MYOCD: variants seen among roughly 807,000 people sequenced by gnomAD.
MYOCD encodes the protein myocardin.
MYOCD carries 32 observed loss-of-function variants against 96.1 expected under a neutral mutation model. The observed-to-expected ratio is 0.33, with a 90% CI of 0.25 to 0.45. The LOEUF (loss-of-function observed/expected upper bound fraction) is 0.45, where lower values mean the gene tolerates loss of function less well. Ranked by LOEUF, MYOCD falls within the 20% of genes least tolerant of loss-of-function variation. The pLI, the probability that MYOCD is intolerant of heterozygous loss-of-function variation, is 1.00. For synonymous variants in MYOCD, 469 were observed against 469.0 expected (o/e 1.00, Z 0.00); for missense variants, 1,133 against 1,200.6 (o/e 0.94, Z 0.83).
chr17:12,745,430 A>G (rs1345534256), intron 8 of MYOCD, among the ~76,000 whole-genome samples: 1 of 151,994 alleles, frequency 6.6e-6, no homozygotes, highest in Non-Finnish European at 1.5e-5. Flanking sequence ...GCTGGTCTCA[A>G]ACTCCCAACC....
intron 1 of MYOCD, among the ~76,000 whole-genome samples, chr17:12,676,096 G>A (rs919913258): frequency 1.1e-4 from 16 of 151,996 alleles, no homozygotes; most frequent in Admixed American, 7.9e-4. Flanking sequence ...AAAAAAAAAC[G>A]TATCTGTAAG....
At chr17:12,703,694 C>T (rs888904138) in intron 1 of MYOCD, among the ~76,000 whole-genome samples, 6 of 152,048 alleles carry the variant, frequency 3.9e-5, no homozygotes, top group Non-Finnish European at 5.9e-5. Flanking sequence ...CACACGAATC[C>T]CTGAGGCTAA....
intron 9 of MYOCD, 106 bp from the exon 10 acceptor site, chr17:12,752,308 T>A: frequency 1.1e-6 from 1 of 910,090 alleles, no homozygotes; most frequent in South Asian, 1.7e-5. Context: ...AAGAGGTGGG[T>A]ATTGTAGAAT....
intron 5 of MYOCD, among the ~76,000 whole-genome samples, chr17:12,734,072 T>G (rs1164644240): frequency 6.6e-6 from 1 of 151,040 alleles, no homozygotes. Context: ...GAAACCACCC[T>G]CTCTCCCCTT....
intron 1 of MYOCD, among the ~76,000 whole-genome samples, chr17:12,698,928 A>G (rs1462876601): frequency 2.7e-5 from 4 of 150,688 alleles, no homozygotes; most frequent in Non-Finnish European, 4.4e-5. Context: ...ATTTTTAGTA[A>G]AGACGGGGTT....
chr17:12,707,411 G>C (rs1434852110), intron 2 of MYOCD, among the ~76,000 whole-genome samples: 2 of 152,010 alleles, frequency 1.3e-5, no homozygotes, highest in Admixed American at 6.6e-5. Context: ...CTGATAAAAA[G>C]CACACAGAAG....
intron 2 of MYOCD, among the ~76,000 whole-genome samples, chr17:12,713,815 A>C (rs1244024485): frequency 6.6e-6 from 1 of 152,182 alleles, no homozygotes; most frequent in Non-Finnish European, 1.5e-5. Flanking sequence ...CTCAAAGAAA[A>C]TGCATGCGCA....
intron 4 of MYOCD, among the ~76,000 whole-genome samples, chr17:12,721,374 G>A (rs1327564114): frequency 6.6e-6 from 1 of 152,108 alleles, no homozygotes; most frequent in Admixed American, 6.6e-5. Context: ...AGTTTCAGAG[G>A]CAACAAGATG....
At chr17:12,690,457 A>C (rs1479616164) in intron 1 of MYOCD, among the ~76,000 whole-genome samples, 2 of 152,168 alleles carry the variant, frequency 1.3e-5, no homozygotes, top group Admixed American at 6.5e-5. Context: ...TTACAGGAAA[A>C]AGGGATTAAA....
At chr17:12,713,219 C>T (rs1210845725) in intron 2 of MYOCD, among the ~76,000 whole-genome samples, 2 of 152,188 alleles carry the variant, frequency 1.3e-5, no homozygotes, top group Non-Finnish European at 2.9e-5. Context: ...GTGCTCCTGG[C>T]ATCAGAGAAC....
In MYOCD at chr17:12,698,891, C is replaced by T. The variant is rs556301714; in HGVS notation, c.56-6237C>T. Among the ~76,000 whole-genome samples the T allele has an allele frequency of 1.6e-3, 241 of 151,180 alleles. 1 individual carries two copies. Among genetic ancestry groups the T allele is most frequent in the African/African-American group, 5.2e-3 (215 of 41,284 alleles). On this transcript the variant is annotated intron_variant, in intron 1 of 13. Coordinates refer to ENST00000425538, the MANE Select transcript of MYOCD (RefSeq NM_001146312.3). ...CCGAGTAGTTGGGACTACAGACGCC[C>T]GCCACCACGCCCGGCTAATTTTTTG... is the stretch of plus-strand genomic sequence containing the variant.
At chr17:12,700,960 G>C (rs1380511411) in intron 1 of MYOCD, among the ~76,000 whole-genome samples, 1 of 152,022 alleles carries the variant, frequency 6.6e-6, no homozygotes, top group Admixed American at 6.6e-5. Context: ...TAAACATATT[G>C]CTATTCAGAT....
At chr17:12,746,174 G>A in intron 9 of MYOCD, 102 bp downstream of exon 9, 3 of 1,289,536 alleles carry the variant, frequency 2.3e-6, no homozygotes, top group Non-Finnish European at 3.2e-6. Context: ...GAGAGTGGGA[G>A]GGGAAGAAGA....
At chr17:12,754,216 TGC>T (rs2032946508) in intron 10 of MYOCD, among the ~76,000 whole-genome samples, 1 of 152,140 alleles carries the variant, frequency 6.6e-6, no homozygotes, top group Non-Finnish European at 1.5e-5. Flanking sequence ...GCGATTTTTC[TGC>T]GTCAGCCTCC....
At chr17:12,722,809 A>G in intron 4 of MYOCD, 38 bp from the exon 5 acceptor site, 1 of 1,553,734 alleles carries the variant, frequency 6.4e-7, no homozygotes, top group Non-Finnish European at 8.7e-7. Context: ...CAGAGACATC[A>G]AATTCTAGAA....
At chr17:12,721,610 T>C (rs1204474888) in intron 4 of MYOCD, among the ~76,000 whole-genome samples, 1 of 152,134 alleles carries the variant, frequency 6.6e-6, no homozygotes, top group Non-Finnish European at 1.5e-5. Flanking sequence ...AATGGTAGAT[T>C]TGGGCTGGAG....
In MYOCD at chr17:12,666,080, G is replaced by A. The variant is rs1909359455; in HGVS notation, c.-109G>A. The stretch of plus-strand genomic sequence containing the variant: ...TACCCAGGGGAGCTCACGGAGAGTT[G>A]GATGAATTCTGGGTTGTTAGCTGCG... On this transcript the variant is annotated 5_prime_UTR_variant, in exon 1 of 14. Transcript: ENST00000425538. 24 of 771,256 alleles carry A rather than the reference G, an allele frequency of 3.1e-5. 1 individual carries two copies. In the South Asian group the frequency reaches 3.6e-4, roughly 12 times the overall value. 47.8% of individuals were successfully genotyped at this position (771,256 alleles called of 1,614,324 possible).
At chr17:12,709,764 A>G (rs1001132388) in intron 2 of MYOCD, among the ~76,000 whole-genome samples, 2 of 152,156 alleles carry the variant, frequency 1.3e-5, no homozygotes, top group Non-Finnish European at 2.9e-5. Flanking sequence ...GGTTCTCTAC[A>G]TTCTCGTGGC....
intron 2 of MYOCD, among the ~76,000 whole-genome samples, chr17:12,714,460 G>A (rs764336609): frequency 6.6e-6 from 1 of 151,792 alleles, no homozygotes; most frequent in Non-Finnish European, 1.5e-5. Context: ...TAGTAACATT[G>A]GAACTCGGGA....
Sources: allele counts gnomAD v4.1 joint callset (sites outside exome capture counted in the v4.1 genomes callset), GRCh38; gene constraint gnomAD v4.1.1; transcripts MANE v1.5; gene names NCBI Gene and HGNC (gene_info 2026-07-23, HGNC 2026-07-21).